DLGAP2: variants seen among roughly 807,000 people sequenced by gnomAD.
DLGAP2 encodes disks large-associated protein 2.
DLGAP2 carries 26 observed loss-of-function variants against 100.3 expected under a neutral mutation model. The ratio of observed to expected loss-of-function variants is 0.26; its 90% confidence interval spans 0.19 to 0.36. DLGAP2 has a LOEUF of 0.36. DLGAP2 is among the 10% of genes least tolerant of loss of function. The pLI is 1.00. For missense variants in DLGAP2, 1,858 were observed against 1,453.2 expected, an observed-to-expected ratio of 1.28 and a Z score of -4.53; for synonymous variants, 886 against 630.1, an observed-to-expected ratio of 1.41 and a Z score of -6.08.
chr8:1,549,311 G>A lies in DLGAP2; in HGVS notation c.858G>A (p.Glu286=), dbSNP rs377532597. Residue 286 remains glutamate, a synonymous_variant, in exon 5 of 15, where the codon GAG becomes GAA. Transcript: ENST00000637795. ...KRSKSKERKP[E]GKPRPGMSSW... The stretch of plus-strand genomic sequence containing the variant: ...GCAAGAGCAAGGAGCGCAAGCCGGA[G>A]GGCAAGCCCCGGCCCGGCATGAGCA... 52 of 1,612,722 alleles carry A rather than the reference G, an allele frequency of 3.2e-5. No individual in the cohort carries two copies. Among genetic ancestry groups the A allele is most frequent in the Non-Finnish European group, 2.5e-5 (30 of 1,179,682 alleles).
At chr8:896,353 A>G (rs2128996550) in intron 1 of DLGAP2, among the ~76,000 whole-genome samples, 1 of 140,708 alleles carries the variant, frequency 7.1e-6, no homozygotes. Flanking sequence ...GGGGAGTGGA[A>G]TGGTGGTACC....
chr8:1,630,882 C>T (rs528791389), intron 7 of DLGAP2, among the ~76,000 whole-genome samples: 14 of 143,024 alleles, frequency 9.8e-5, no homozygotes, highest in African/African-American at 2.9e-4. Flanking sequence ...CCGAGGGTCT[C>T]GGCGGGAGGT....
intron 2 of DLGAP2, among the ~76,000 whole-genome samples, chr8:1,195,996 C>T (rs913710627): frequency 1.3e-5 from 2 of 152,214 alleles, no homozygotes; most frequent in African/African-American, 2.4e-5. Flanking sequence ...TGGGGATGCT[C>T]ACGTTCGTGA....
intron 2 of DLGAP2, among the ~76,000 whole-genome samples, chr8:1,158,367 T>G (rs1269847485): frequency 6.6e-6 from 1 of 152,254 alleles, no homozygotes; most frequent in Non-Finnish European, 1.5e-5. Context: ...TGTAATCTAA[T>G]TCCCTCAGTA....
chr8:1,536,373 C>A (rs1438352294), intron 4 of DLGAP2, among the ~76,000 whole-genome samples: 1 of 152,128 alleles, frequency 6.6e-6, no homozygotes, highest in African/African-American at 2.4e-5. Flanking sequence ...CATTTCATAC[C>A]CGAGAACCAA....
chr8:1,426,327 T>C (rs1456139507), intron 3 of DLGAP2, among the ~76,000 whole-genome samples: 2 of 152,156 alleles, frequency 1.3e-5, no homozygotes, highest in African/African-American at 2.4e-5. Flanking sequence ...CCAGACTAGA[T>C]CTGCTCAAAG....
At chr8:1,464,649 A>C (rs1798571267) in intron 3 of DLGAP2, among the ~76,000 whole-genome samples, 3 of 151,984 alleles carry the variant, frequency 2.0e-5, no homozygotes, top group African/African-American at 7.3e-5. Context: ...AGGCAGATAG[A>C]GGGGAGACAG....
In DLGAP2 at chr8:1,141,337, G is replaced by A. The variant is rs190565522; in HGVS notation, c.74-117514G>A. 6.5e-3 allele frequency among the ~76,000 whole-genome samples: 988 copies of A among 152,256 alleles called. 6 individuals are homozygous for A. Among genetic ancestry groups the A allele is most frequent in the Non-Finnish European group, 1.0e-2 (677 of 68,016 alleles). ...TGGATTCCCCAACAAAATTGAATTT[G>A]GGCTAAAGAAACCCAATTGGACCTG... On this transcript the variant is annotated intron_variant, in intron 2 of 14. Coordinates refer to ENST00000637795, the MANE Select transcript of DLGAP2 (RefSeq NM_001346810.2).
chr8:1,193,483 G>T (rs2116735460), intron 2 of DLGAP2, among the ~76,000 whole-genome samples: 1 of 152,270 alleles, frequency 6.6e-6, no homozygotes, highest in South Asian at 2.1e-4. Flanking sequence ...TTTGAGAAGT[G>T]TCTGGTTTCT....
chr8:939,909 C>G (rs1459491983), intron 2 of DLGAP2, among the ~76,000 whole-genome samples: 1 of 151,592 alleles, frequency 6.6e-6, no homozygotes, highest in Non-Finnish European at 1.5e-5. Context: ...AGGCTGCGGT[C>G]CCATGAGGGG....
chr8:1,180,318 C>T (rs1268716659), intron 2 of DLGAP2, among the ~76,000 whole-genome samples: 1 of 152,214 alleles, frequency 6.6e-6, no homozygotes, highest in Non-Finnish European at 1.5e-5. Context: ...TTCCCTCCTG[C>T]CAAATCCCAG....
intron 6 of DLGAP2, among the ~76,000 whole-genome samples, chr8:1,585,144 C>T (rs1354283843): frequency 1.3e-5 from 2 of 152,140 alleles, no homozygotes; most frequent in Non-Finnish European, 2.9e-5. Context: ...GAGGGAGGCT[C>T]CTAAGACTGG....
chr8:774,680 AG>A (rs1821462850), intron 1 of DLGAP2, among the ~76,000 whole-genome samples: 2 of 151,676 alleles, frequency 1.3e-5, no homozygotes, highest in African/African-American at 4.8e-5. Flanking sequence ...ATTATTTCTG[AG>A]GGCTCTGTTC....
chr8:1,256,525 GTCTCATCCTGCCCAGGCGC>G (rs1799222977), intron 2 of DLGAP2, among the ~76,000 whole-genome samples: 134 of 130,110 alleles, frequency 1.0e-3, no homozygotes, highest in African/African-American at 3.7e-3. Flanking sequence ...GTGTGTGCCC[GTCTCATCCTGCCCAGGCGC>G]TGTGTGTGTG....
At chr8:1,470,410 G>A (rs1231529157) in intron 3 of DLGAP2, among the ~76,000 whole-genome samples, 7 of 152,048 alleles carry the variant, frequency 4.6e-5, no homozygotes, top group Non-Finnish European at 1.0e-4. Flanking sequence ...CTGAGTGGCC[G>A]ATGCAGTGGC....
chr8:1,107,798 C>G (rs1218538063), intron 2 of DLGAP2, among the ~76,000 whole-genome samples: 8 of 152,220 alleles, frequency 5.3e-5, no homozygotes. Context: ...CCATCCTATG[C>G]TGTGTTTCCA....
At chr8:750,831 T>G (rs777293711) in intron 1 of DLGAP2, among the ~76,000 whole-genome samples, 2 of 152,236 alleles carry the variant, frequency 1.3e-5, no homozygotes, top group Non-Finnish European at 2.9e-5. Context: ...TGGGATAGCA[T>G]TTTTTAAAAA....
chr8:802,042 A>C (rs1796169579), intron 1 of DLGAP2, among the ~76,000 whole-genome samples: 1 of 149,676 alleles, frequency 6.7e-6, no homozygotes, highest in Non-Finnish European at 1.5e-5. Context: ...CTCCATCCTC[A>C]CGGCCTGGGG....
chr8:874,740 G>A (rs920011089), intron 1 of DLGAP2, among the ~76,000 whole-genome samples: 3 of 152,180 alleles, frequency 2.0e-5, no homozygotes, highest in African/African-American at 4.8e-5. Flanking sequence ...TGGGTTTACA[G>A]TGTTGTTCAA....
Sources: gnomAD v4.1 joint callset for allele counts (sites outside exome capture counted in the v4.1 genomes callset) on GRCh38, gnomAD v4.1.1 for gene constraint, MANE v1.5 for transcripts, NCBI Gene and HGNC (gene_info 2026-07-23, HGNC 2026-07-21) for gene names.